Variants in FAAH2 observed in about 807,000 individuals in gnomAD.
FAAH2 encodes the protein fatty-acid amide hydrolase 2.
FAAH2 carries 60 observed loss-of-function variants against 36.9 expected under a neutral mutation model. That is an observed-to-expected ratio of 1.63 (90% CI 1.32 to 2.02). FAAH2 has a LOEUF of 2.02. FAAH2 is among the 30% of genes most tolerant of loss of function. The pLI is 0.00. For synonymous variants in FAAH2, 214 were observed against 143.8 expected (o/e 1.49, Z -3.49); for missense variants, 689 against 397.5 (o/e 1.73, Z -6.23).
the FAAH2 span, among the ~76,000 whole-genome samples, chrX:57,189,920 TAGG>T: frequency 8.9e-6 from 1 of 112,316 alleles, no homozygotes; most frequent in East Asian, 2.8e-4. Context: ...AGTGCTATGC[TAGG>T]AGAACCGTAT....
chrX:57,287,130 G>GTA, intron 1 of FAAH2, 113 bp downstream of exon 1: 1 of 784,062 alleles, frequency 1.3e-6, no homozygotes, highest in Non-Finnish European at 1.8e-6. Flanking sequence ...GGGCGACTTA[G>GTA]GAGAGGCATT....
intron 10 of FAAH2, among the ~76,000 whole-genome samples, chrX:57,460,644 G>C: frequency 8.9e-6 from 1 of 111,822 alleles, no homozygotes; most frequent in Non-Finnish European, 1.9e-5. Context: ...AAGAGATCCT[G>C]AAGAAATCAC....
chrX:57,261,083 A>G, the FAAH2 span, among the ~76,000 whole-genome samples: 1 of 112,003 alleles, frequency 8.9e-6, no homozygotes, highest in Non-Finnish European at 1.9e-5. Flanking sequence ...AAAGACTTGT[A>G]TTAAATAATT....
intron 10 of FAAH2, among the ~76,000 whole-genome samples, chrX:57,460,190 C>T (rs2056933511): frequency 9.0e-6 from 1 of 111,293 alleles, no homozygotes; most frequent in Non-Finnish European, 1.9e-5. Context: ...GATTGGGGTC[C>T]CTGAAAGTGA....
At chrX:57,168,901 C>G in the FAAH2 span, among the ~76,000 whole-genome samples, 1 of 112,256 alleles carries the variant, frequency 8.9e-6, no homozygotes. Flanking sequence ...ATATATCCAT[C>G]CATATTAGTC....
chrX:57,214,760 GT>G, the FAAH2 span, among the ~76,000 whole-genome samples: 6 of 111,356 alleles, frequency 5.4e-5, no homozygotes, highest in Admixed American at 5.8e-4. Flanking sequence ...TATACAGAAA[GT>G]TTCGAAACAC....
chrX:57,162,598 C>A, the FAAH2 span, among the ~76,000 whole-genome samples: 1 of 111,529 alleles, frequency 9.0e-6, no homozygotes, highest in Non-Finnish European at 1.9e-5. Context: ...CTTCTCACTT[C>A]ATTTCATTCA....
intron 10 of FAAH2, among the ~76,000 whole-genome samples, chrX:57,483,458 G>T (rs1419061442): frequency 9.0e-6 from 1 of 110,531 alleles, no homozygotes; most frequent in South Asian, 3.8e-4. Context: ...TCTTGTCTTG[G>T]ATCTTGTGGA....
chrX:57,184,848 C>T, the FAAH2 span, among the ~76,000 whole-genome samples: 1 of 111,469 alleles, frequency 9.0e-6, no homozygotes, highest in African/African-American at 3.3e-5. Context: ...CTTTTTTTTC[C>T]CCTACAGAAA....
chrX:57,401,124 AAAAT>A (rs926107116), intron 7 of FAAH2, among the ~76,000 whole-genome samples: 3 of 111,357 alleles, frequency 2.7e-5, no homozygotes, highest in Non-Finnish European at 3.8e-5. Context: ...CTCTGTCTCA[AAAAT>A]AAATAAATAA....
chrX:57,295,610 C>A (rs1250876086), intron 2 of FAAH2, among the ~76,000 whole-genome samples: 1 of 111,751 alleles, frequency 8.9e-6, no homozygotes, highest in Non-Finnish European at 1.9e-5. Flanking sequence ...ACAGTGGGTG[C>A]AGGACAGTGG....
the FAAH2 span, among the ~76,000 whole-genome samples, chrX:57,155,863 TCTA>T: frequency 2.7e-5 from 3 of 111,884 alleles, no homozygotes; most frequent in African/African-American, 9.8e-5. Context: ...CTGCTTCTCC[TCTA>T]CCCCTGTATT....
rs190429915 is a variant in FAAH2 at position 57,489,164 on chromosome X, G to T, written c.*232G>T. 1 of 353,855 alleles carries T rather than the reference G, an allele frequency of 2.8e-6. No homozygotes were observed. Among genetic ancestry groups the T allele is most frequent in the African/African-American group, 2.6e-5 (1 of 37,861 alleles). The allele number at this position is 353,855 out of a possible 1,213,427, so 29.2% of individuals were successfully genotyped here. Reference sequence around the variant, plus strand: ...ACTGGAAAATTAGGACATGTAAATGGATAAGTGCAATAAAGTTTCCTAAAT... The same window carrying T: ...ACTGGAAAATTAGGACATGTAAATGTATAAGTGCAATAAAGTTTCCTAAAT... On this transcript the variant is annotated 3_prime_UTR_variant, in exon 11 of 11. Coordinates refer to ENST00000374900, the MANE Select transcript of FAAH2 (RefSeq NM_174912.4).
At chrX:57,422,216 G>A (rs2056055325) in intron 7 of FAAH2, among the ~76,000 whole-genome samples, 1 of 112,068 alleles carries the variant, frequency 8.9e-6, no homozygotes, top group Non-Finnish European at 1.9e-5. Context: ...ATAATCCATT[G>A]TCATTCTCCA....
chrX:57,273,068 A>G, the FAAH2 span, among the ~76,000 whole-genome samples: 1 of 112,132 alleles, frequency 8.9e-6, no homozygotes, highest in African/African-American at 3.2e-5. Flanking sequence ...ATGGAGGGAT[A>G]CTTATCAAGT....
At chrX:57,440,703 G>T (rs1450299763) in intron 8 of FAAH2, among the ~76,000 whole-genome samples, 2 of 111,625 alleles carry the variant, frequency 1.8e-5, no homozygotes, top group Admixed American at 9.6e-5. Flanking sequence ...AATGCTTCCA[G>T]TTTTTGCCCA....
At chrX:57,269,859 C>A in the FAAH2 span, among the ~76,000 whole-genome samples, 1 of 110,430 alleles carries the variant, frequency 9.1e-6, no homozygotes, top group Non-Finnish European at 1.9e-5. Context: ...TAGTAGAAGA[C>A]AAATAACCAA....
intron 6 of FAAH2, among the ~76,000 whole-genome samples, chrX:57,379,540 C>G (rs929976414): frequency 1.4e-4 from 15 of 108,129 alleles, no homozygotes; most frequent in Non-Finnish European, 1.7e-4. Flanking sequence ...CGCTCTCTCT[C>G]TCTCTCACAC....
the FAAH2 span, among the ~76,000 whole-genome samples, chrX:57,265,020 G>T: frequency 8.9e-6 from 1 of 111,901 alleles, no homozygotes; most frequent in Non-Finnish European, 1.9e-5. Flanking sequence ...GTGACACAGA[G>T]CCAAGGGAAC....
Sources: allele counts gnomAD v4.1 joint callset (sites outside exome capture counted in the v4.1 genomes callset), GRCh38; gene constraint gnomAD v4.1.1; transcripts MANE v1.5; gene names NCBI Gene and HGNC (gene_info 2026-07-23, HGNC 2026-07-21).